The following EFNA5 variants were observed in gnomAD, a reference collection of about 807,000 sequenced individuals.
EFNA5 encodes ephrin-A5.
EFNA5 carries 5 observed loss-of-function variants against 22.9 expected under a neutral mutation model. The observed-to-expected ratio is 0.22, with a 90% CI of 0.11 to 0.46. The LOEUF is 0.46. Ranked by LOEUF, EFNA5 falls within the 20% of genes least tolerant of loss-of-function variation. EFNA5 has a pLI of 0.99. For synonymous variants in EFNA5, 113 were observed against 112.2 expected (o/e 1.01, Z -0.04); for missense variants, 237 against 293.3 (o/e 0.81, Z 1.40).
intron 1 of EFNA5, among the ~76,000 whole-genome samples, chr5:107,627,468 T>C (rs1316949313): frequency 6.6e-6 from 1 of 152,024 alleles, no homozygotes; most frequent in African/African-American, 2.4e-5. Flanking sequence ...AATACAATAA[T>C]GTTTAAAGAG....
At chr5:107,570,606 A>G (rs991352248) in intron 1 of EFNA5, among the ~76,000 whole-genome samples, 1 of 151,516 alleles carries the variant, frequency 6.6e-6, no homozygotes, top group African/African-American at 2.4e-5. Context: ...GCTCTGGGAA[A>G]GACAGCTCCT....
intron 1 of EFNA5, among the ~76,000 whole-genome samples, chr5:107,457,649 G>A (rs746867723): frequency 7.9e-5 from 12 of 152,058 alleles, no homozygotes; most frequent in Admixed American, 3.9e-4. Flanking sequence ...AAGGAGGGCC[G>A]ACTGTATTTA....
chr5:107,622,237 G>A (rs1750051579), intron 1 of EFNA5, among the ~76,000 whole-genome samples: 2 of 152,116 alleles, frequency 1.3e-5, no homozygotes, highest in South Asian at 4.1e-4. Context: ...GAGCCATAAG[G>A]ACATAAACTA....
chr5:107,575,231 A>C (rs1157788120), intron 1 of EFNA5, among the ~76,000 whole-genome samples: 2 of 152,224 alleles, frequency 1.3e-5, no homozygotes, highest in African/African-American at 4.8e-5. Context: ...ACAGATAAGA[A>C]GTGATCTTTA....
chr5:107,513,492 G>A (rs1747416417), intron 1 of EFNA5, among the ~76,000 whole-genome samples: 1 of 152,182 alleles, frequency 6.6e-6, no homozygotes, highest in South Asian at 2.1e-4. Context: ...GCAAGTGGAA[G>A]CCAGATGTCA....
At chr5:107,550,416 C>G (rs913257727) in intron 1 of EFNA5, among the ~76,000 whole-genome samples, 15 of 152,082 alleles carry the variant, frequency 9.9e-5, no homozygotes, top group African/African-American at 3.6e-4. Context: ...GAATTTACTC[C>G]TCTTTTGACA....
intron 1 of EFNA5, among the ~76,000 whole-genome samples, chr5:107,631,554 C>T (rs1471627719): frequency 6.6e-6 from 1 of 151,972 alleles, no homozygotes; most frequent in Non-Finnish European, 1.5e-5. Context: ...AACAACTCTT[C>T]CCATAAAACA....
At position 107,659,421 on chromosome 5, in the gene EFNA5, A is replaced by T. The variant is rs1750896870; in HGVS notation, c.125+11068T>A. Among the ~76,000 whole-genome samples, 4 of 151,716 alleles carry T rather than the reference A, an allele frequency of 2.6e-5. No homozygotes were observed. In the South Asian group the frequency reaches 8.3e-4, roughly 32 times the overall value. On this transcript the variant is annotated intron_variant, in intron 1 of 4. Transcript: ENST00000333274. Reference sequence around the variant, plus strand: ...AAAATTGATTCCAAAACTTCATGTTATTCAATAGCTTTAAGGTCTTCCCTT... The same window carrying T: ...AAAATTGATTCCAAAACTTCATGTTTTTCAATAGCTTTAAGGTCTTCCCTT...
chr5:107,426,386 G>A (rs941540173), intron 2 of EFNA5, among the ~76,000 whole-genome samples: 1 of 152,136 alleles, frequency 6.6e-6, no homozygotes, highest in African/African-American at 2.4e-5. Flanking sequence ...GCAGCATCTG[G>A]GAGCTTCATA....
chr5:107,648,026 A>G (rs532762077), intron 1 of EFNA5, among the ~76,000 whole-genome samples: 5 of 152,322 alleles, frequency 3.3e-5, no homozygotes, highest in African/African-American at 4.8e-5. Context: ...ACTTACCATC[A>G]TCTTGATGCA....
intron 1 of EFNA5, among the ~76,000 whole-genome samples, chr5:107,642,782 C>A (rs1750554410): frequency 6.6e-6 from 1 of 152,066 alleles, no homozygotes; most frequent in Non-Finnish European, 1.5e-5. Flanking sequence ...CTCCTTGGCA[C>A]TAGGATTTTC....
rs1395871221 is a variant in EFNA5, at chr5:107,380,517, C to T, written c.*738G>A. ...TCACACATACACACCCCCAGCAAAC[C>T]TGTAGTTTTCTCTGTTTTCACACCT... On this transcript the variant is annotated 3_prime_UTR_variant, in exon 5 of 5. Coordinates refer to ENST00000333274, the MANE Select transcript of EFNA5 (RefSeq NM_001962.3). 3.5e-6 allele frequency: 1 copy of T among 287,584 alleles called. No individual in the cohort carries two copies. Among genetic ancestry groups the T allele is most frequent in the African/African-American group, 2.2e-5 (1 of 45,256 alleles). The allele number at this position is 287,584 out of a possible 1,614,324, so 17.8% of individuals were successfully genotyped here. A position where few individuals can be genotyped will look rare whatever the true frequency, so the allele number is the denominator to read the frequency against.
At chr5:107,463,406 A>G (rs1252589041) in intron 1 of EFNA5, among the ~76,000 whole-genome samples, 3 of 152,220 alleles carry the variant, frequency 2.0e-5, no homozygotes, top group East Asian at 3.9e-4. Context: ...CCTCAATAAT[A>G]CATTTATTTT....
At chr5:107,502,712 C>T (rs1018962930) in intron 1 of EFNA5, among the ~76,000 whole-genome samples, 3 of 152,152 alleles carry the variant, frequency 2.0e-5, no homozygotes, top group Admixed American at 2.0e-4. Context: ...CCAGTAGAAG[C>T]ACTTGATAAA....
chr5:107,451,571 A>G (rs940048977), intron 1 of EFNA5, among the ~76,000 whole-genome samples: 1 of 152,202 alleles, frequency 6.6e-6, no homozygotes, highest in Non-Finnish European at 1.5e-5. Context: ...TAGACAGATA[A>G]TCTATAAAGA....
At chr5:107,435,315 CTTT>C (rs3999107) in intron 1 of EFNA5, among the ~76,000 whole-genome samples, 24,766 of 103,894 alleles carry the variant, frequency 0.24, 917 homozygotes, top group East Asian at 0.44. Context: ...TGAAGATGCT[CTTT>C]TTTTTTTTTT....
rs1554061606 is a variant in EFNA5 at position 107,476,046 on chromosome 5, C to CCATATATATATATATATATATA, written c.126-48538_126-48537insTATATATATATATATATATATG. Among the ~76,000 whole-genome samples the CCATATATATATATATATATATA allele has an allele frequency of 3.2e-4, 10 of 31,290 alleles. 1 individual carries two copies. The highest frequency in any genetic ancestry group is 3.1e-3 in the African/African-American group (9 of 2,940). 20.5% of individuals were successfully genotyped at this position (31,290 alleles called of 152,430 possible). A position where few individuals can be genotyped will look rare whatever the true frequency, so the allele number is the denominator to read the frequency against. ...CCAAGGTGGCTTGAGAGTTTTTAAA[C>CCATATATATATATATATATATA]TATATATATATTTTTTTTTTTTGAG... On this transcript the variant is annotated intron_variant, in intron 1 of 4. Transcript: ENST00000333274.
rs527287564 is a variant in EFNA5, at chr5:107,440,531, C to T, written c.126-13022G>A. On this transcript the variant is annotated intron_variant, in intron 1 of 4. Coordinates refer to ENST00000333274, the MANE Select transcript of EFNA5 (RefSeq NM_001962.3). The stretch of plus-strand genomic sequence containing the variant: ...CTGAGGCAAGGTTAATGTCAAGACA[C>T]AAAGACGATGAAATAAGCAGATGAT... Among the ~76,000 whole-genome samples the T allele has an allele frequency of 5.3e-5, 8 of 152,288 alleles. No individual in the cohort carries two copies. In the South Asian group the frequency reaches 6.2e-4, roughly 12 times the overall value.
chr5:107,475,343 C>T (rs1311751664), intron 1 of EFNA5, among the ~76,000 whole-genome samples: 1 of 152,206 alleles, frequency 6.6e-6, no homozygotes, highest in African/African-American at 2.4e-5. Flanking sequence ...GTATCACTGA[C>T]CTCAGCTAGC....
Sources: allele counts gnomAD v4.1 joint callset (sites outside exome capture counted in the v4.1 genomes callset), GRCh38; gene constraint gnomAD v4.1.1; transcripts MANE v1.5; gene names NCBI Gene and HGNC (gene_info 2026-07-23, HGNC 2026-07-21).